The following EVI5 variants were observed in gnomAD, a reference collection of about 807,000 sequenced individuals.
EVI5 encodes the protein ecotropic viral integration site 5 protein homolog.
EVI5 carries 73 observed loss-of-function variants against 112.0 expected under a neutral mutation model. The ratio of observed to expected loss-of-function variants is 0.65; its 90% CI spans 0.54 to 0.79. The LOEUF (loss-of-function observed/expected upper bound fraction) is 0.79. Ranked by LOEUF, EVI5 falls within the 30% of genes least tolerant of loss-of-function variation. The probability of loss-of-function intolerance (pLI) is 0.00; values close to 1 mark genes in which losing one functional copy is unlikely to be tolerated. For synonymous variants in EVI5, 305 were observed against 319.9 expected (o/e 0.95, Z 0.50); for missense variants, 900 against 968.8 (o/e 0.93, Z 0.94).
intron 6 of EVI5, among the ~76,000 whole-genome samples, chr1:92,697,446 AT>A (rs1458359033): frequency 2.0e-5 from 3 of 152,190 alleles, no homozygotes; most frequent in Non-Finnish European, 2.9e-5. Context: ...CTAGCAAAAA[AT>A]AAAAATAAAA....
chr1:92,774,877 C>T, intron 1 of EVI5, among the ~76,000 whole-genome samples: 1 of 152,110 alleles, frequency 6.6e-6, no homozygotes, highest in East Asian at 1.9e-4. Flanking sequence ...ATAAACATAC[C>T]AGGCTAGTAG....
At chr1:92,646,171 T>G (rs1241188020) in intron 13 of EVI5, among the ~76,000 whole-genome samples, 1 of 152,242 alleles carries the variant, frequency 6.6e-6, no homozygotes, top group Non-Finnish European at 1.5e-5. Flanking sequence ...AACAATTTAT[T>G]GAAGCAAAAT....
At chr1:92,741,503 ATAT>A (rs1156338198) in intron 1 of EVI5, among the ~76,000 whole-genome samples, 1 of 152,232 alleles carries the variant, frequency 6.6e-6, no homozygotes, top group African/African-American at 2.4e-5. Context: ...GATAGTCAGG[ATAT>A]TATTACATAA....
At chr1:92,681,932 C>T (rs1667655110) in intron 9 of EVI5, among the ~76,000 whole-genome samples, 2 of 152,264 alleles carry the variant, frequency 1.3e-5, no homozygotes, top group South Asian at 2.1e-4. Context: ...CTTCACTGCT[C>T]ACCACACTCC....
At chr1:92,601,522 C>T (rs904451999) in intron 18 of EVI5, among the ~76,000 whole-genome samples, 5 of 152,082 alleles carry the variant, frequency 3.3e-5, no homozygotes, top group African/African-American at 9.7e-5. Context: ...GAATATTATT[C>T]AATCTTAAAA....
chr1:92,632,380 A>G (rs1379262552), intron 14 of EVI5, among the ~76,000 whole-genome samples: 2 of 152,108 alleles, frequency 1.3e-5, no homozygotes, highest in Non-Finnish European at 2.9e-5. Context: ...GTCTATTCAG[A>G]GATTCAACTT....
intron 18 of EVI5, among the ~76,000 whole-genome samples, chr1:92,570,123 C>T (rs1034777220): frequency 3.9e-5 from 6 of 151,930 alleles, no homozygotes; most frequent in Admixed American, 3.3e-4. Context: ...AGGAAGAATG[C>T]TCATTCATAT....
intron 2 of EVI5, among the ~76,000 whole-genome samples, chr1:92,720,710 A>G (rs908684398): frequency 1.3e-5 from 2 of 152,240 alleles, no homozygotes; most frequent in Non-Finnish European, 2.9e-5. Context: ...CTGCACAGCA[A>G]AAGAAACTAC....
chr1:92,671,390 T>C (rs1031249791), intron 10 of EVI5, among the ~76,000 whole-genome samples: 13 of 152,172 alleles, frequency 8.5e-5, no homozygotes, highest in Non-Finnish European at 1.8e-4. Context: ...TAAATGTTGG[T>C]TTATTCTCAG....
intron 14 of EVI5, among the ~76,000 whole-genome samples, chr1:92,632,162 C>T (rs1198908687): frequency 6.6e-6 from 1 of 152,122 alleles, no homozygotes; most frequent in African/African-American, 2.4e-5. Flanking sequence ...TGTGTCTCTG[C>T]CAACCTTTGG....
At chr1:92,542,893 C>T (rs2101976552) in intron 19 of EVI5, among the ~76,000 whole-genome samples, 1 of 152,268 alleles carries the variant, frequency 6.6e-6, no homozygotes, top group African/African-American at 2.4e-5. Context: ...CAACAGTGGG[C>T]TTAAAATATT....
chr1:92,528,878 T>G (rs1265156960), intron 19 of EVI5, among the ~76,000 whole-genome samples: 2 of 152,194 alleles, frequency 1.3e-5, no homozygotes, highest in African/African-American at 4.8e-5. Context: ...CATGCTCATT[T>G]TTGTGATAAT....
At chr1:92,553,005 T>C (rs1667175073) in intron 19 of EVI5, among the ~76,000 whole-genome samples, 1 of 152,128 alleles carries the variant, frequency 6.6e-6, no homozygotes, top group Non-Finnish European at 1.5e-5. Flanking sequence ...TTTTACCCAT[T>C]GCAGGAATTA....
intron 16 of EVI5, among the ~76,000 whole-genome samples, chr1:92,610,003 G>A (rs1011967999): frequency 1.3e-5 from 2 of 151,616 alleles, no homozygotes; most frequent in Non-Finnish European, 2.9e-5. Flanking sequence ...CTCCCACCTC[G>A]GTCTCCTGAA....
intron 19 of EVI5, among the ~76,000 whole-genome samples, chr1:92,561,591 CTAT>C (rs1557789614): frequency 3.3e-5 from 5 of 149,728 alleles, no homozygotes; most frequent in Non-Finnish European, 5.9e-5. Flanking sequence ...ATCTATCTAT[CTAT>C]CTATCTAATC....
intron 19 of EVI5, 48 bp downstream of exon 19, chr1:92,563,594 C>G: frequency 1.1e-6 from 1 of 927,076 alleles, no homozygotes; most frequent in Non-Finnish European, 1.7e-6. Context: ...TGTTACAATA[C>G]AGAGGAAGGA....
chr1:92,685,669 G>A (rs114225281), intron 9 of EVI5, among the ~76,000 whole-genome samples: 30,318 of 151,818 alleles, frequency 0.2, 3,508 homozygotes, highest in Non-Finnish European at 0.26. Flanking sequence ...AATAAAGAAG[G>A]AAAGAGGGAA....
Position 92,513,508 on chromosome 1 carries a change from AAAATATATATATATATATAT to A in EVI5, c.*128_*147del. ...AAGATAAAAAGGCAGATAAGACTGTAAAATATATATATATATATATATATATATATATATATATATATATA... is the reference window on the plus strand; with the variant it reads ...AAGATAAAAAGGCAGATAAGACTGTAATATATATATATATATATATATATA... On this transcript the variant is annotated 3_prime_UTR_variant, in exon 20 of 20. Transcript: ENST00000684568. 5.0e-6 allele frequency: 1 copy of A among 198,592 alleles called. No homozygotes were observed. Among genetic ancestry groups the A allele is most frequent in the Non-Finnish European group, 9.3e-6 (1 of 107,294 alleles). 12.3% of individuals were successfully genotyped at this position (198,592 alleles called of 1,614,324 possible). A position where few individuals can be genotyped will look rare whatever the true frequency, so the allele number is the denominator to read the frequency against.
In EVI5 at chr1:92,589,557, G is replaced by A. The variant is rs539663092; in HGVS notation, c.2070+15750C>T. ...TGAGATCAAACTGCAAGGCGGCAGCGAGGCTGGGGGAGGGGCGCCTGCCAC... is the reference window on the plus strand; with the variant it reads ...TGAGATCAAACTGCAAGGCGGCAGCAAGGCTGGGGGAGGGGCGCCTGCCAC... On this transcript the variant is annotated intron_variant, in intron 18 of 19. Coordinates refer to ENST00000684568, the MANE Select transcript of EVI5 (RefSeq NM_001350197.2). 2.6e-5 allele frequency among the ~76,000 whole-genome samples: 4 copies of A among 152,288 alleles called. No individual in the cohort carries two copies. The South Asian group carries it at 8.3e-4, about 32-fold the overall frequency.
Sources: gnomAD v4.1 joint callset for allele counts (sites outside exome capture counted in the v4.1 genomes callset) on GRCh38, gnomAD v4.1.1 for gene constraint, MANE v1.5 for transcripts, NCBI Gene and HGNC (gene_info 2026-07-23, HGNC 2026-07-21) for gene names.